Variants in MEG3 observed in about 807,000 individuals in gnomAD.
The protein encoded by MEG3 is Very putative protein from MEG3 locus.
rs73349315 is a variant in MEG3 at position 100,850,046 on chromosome 14, G to A, written n.3121+4513G>A. On this transcript the variant is annotated intron_variant and non_coding_transcript_variant, in intron 3 of 3. Transcript: ENST00000398461. ...GAATAAATACTTAAACGTGAAAGGT[G>A]ACTAAATGCGGGGAAGAAAGATTGC... 2.8e-3 allele frequency: 421 copies of A among 152,344 alleles called. 2 individuals carry two copies. The highest frequency in any genetic ancestry group is 9.7e-3 in the African/African-American group (403 of 41,570). The allele number at this position is 152,344 out of a possible 1,614,324, so 9.4% of individuals were successfully genotyped here.
intron 1 of MEG3, among the ~76,000 whole-genome samples, chr14:100,827,136 G>T (rs1480276789): frequency 3.3e-5 from 5 of 152,048 alleles, no homozygotes; most frequent in African/African-American, 7.2e-5. Flanking sequence ...CGAAAATCCT[G>T]ACATGTTGCA....
upstream of MEG3, chr14:100,852,433 A>G (rs371452839): frequency 1.5e-5 from 8 of 534,236 alleles, no homozygotes; most frequent in Non-Finnish European, 3.1e-5. Context: ...TCAGGGCCAC[A>G]TGAGCTGGGC....
At chr14:100,840,235 C>T (rs2037710893) in intron 2 of MEG3, among the ~76,000 whole-genome samples, 1 of 152,192 alleles carries the variant, frequency 6.6e-6, no homozygotes, top group African/African-American at 2.4e-5. Flanking sequence ...CTTAAGTCCC[C>T]TATCCTGGGA....
At chr14:100,860,638 G>A (rs1246726188) in intron 1 of MEG3, 20 of 456,416 alleles carry the variant, frequency 4.4e-5, no homozygotes, top group Middle Eastern at 3.2e-4. Flanking sequence ...AACTCTTGTC[G>A]GCCAGCGAGG....
At chr14:100,855,536 C>T (rs1469972520), upstream of MEG3, 2 of 152,372 alleles carry the variant, frequency 1.3e-5, no homozygotes, top group South Asian at 4.1e-4. Flanking sequence ...GAGAAGTCCT[C>T]CCCAGGCCTC....
At chr14:100,852,862 T>C (rs1435744954), upstream of MEG3, 1 of 170,990 alleles carries the variant, frequency 5.8e-6, no homozygotes, top group Non-Finnish European at 1.3e-5. Context: ...ACTGAGCCAA[T>C]GAGAGCAGCT....
chr14:100,843,833 G>GC (rs2037831106), intron 2 of MEG3, among the ~76,000 whole-genome samples: 1 of 70,732 alleles, frequency 1.4e-5, no homozygotes, highest in East Asian at 4.7e-4. Context: ...CCCGGGACCT[G>GC]TTTTTTTTTT....
chr14:100,852,340 A>G (rs1337583652), upstream of MEG3: 1 of 532,620 alleles, frequency 1.9e-6, no homozygotes, highest in Non-Finnish European at 3.8e-6. Context: ...GCTCCGGCCG[A>G]GTGGATGGCA....
upstream of MEG3, chr14:100,856,043 T>C (rs1001194871): frequency 3.3e-5 from 5 of 152,212 alleles, no homozygotes; most frequent in Admixed American, 3.3e-4. Flanking sequence ...CTCTGGCCTT[T>C]CCTGGAGGTG....
chr14:100,851,585 C>T (rs2038077533), intron 3 of MEG3: 2 of 152,352 alleles, frequency 1.3e-5, no homozygotes, highest in South Asian at 2.1e-4. Flanking sequence ...GGGCAGGGCG[C>T]CCACCCTTCT....
At chr14:100,843,123 G>C (rs1002449890) in intron 2 of MEG3, among the ~76,000 whole-genome samples, 2 of 152,220 alleles carry the variant, frequency 1.3e-5, no homozygotes, top group African/African-American at 4.8e-5. Context: ...GCACACAAGA[G>C]TTAATTAAGG....
rs2037898283 is a variant in MEG3, at chr14:100,845,659, A to C, written n.3121+126A>C. ...GCGGGCACTGGCCGGGGGTCTGTGC[A>C]CCGGGAGGTGGGTGCCCATCGAGTC... On this transcript the variant is annotated intron_variant and non_coding_transcript_variant, in intron 3 of 3. Coordinates refer to the MEG3 transcript ENST00000398461. This position sits in a 1 kb window ranked among gnomAD's most constrained non-coding sequence, Gnocchi z 5.2. 2.9e-6 allele frequency: 1 copy of C among 346,590 alleles called. No individual in the cohort carries two copies. Among genetic ancestry groups the C allele is most frequent in the African/African-American group, 2.2e-5 (1 of 46,294 alleles). 21.5% of individuals were successfully genotyped at this position (346,590 alleles called of 1,614,324 possible). A position where few individuals can be genotyped will look rare whatever the true frequency, so the allele number is the denominator to read the frequency against.
chr14:100,836,463 C>G (rs12889884), intron 2 of MEG3, among the ~76,000 whole-genome samples: 34,779 of 152,052 alleles, frequency 0.23, 4,230 homozygotes, highest in Admixed American at 0.28. Context: ...GGAGAGCTGC[C>G]TGGAGTGGAG....
downstream of MEG3, chr14:100,831,245 T>C (rs2139941550): frequency 6.5e-6 from 1 of 153,160 alleles, no homozygotes; most frequent in East Asian, 1.9e-4. Context: ...CCCCACTGGA[T>C]CATTGAACCC....
chr14:100,846,372 C>T (rs2037917869), intron 3 of MEG3: 2 of 152,210 alleles, frequency 1.3e-5, no homozygotes, highest in Non-Finnish European at 1.5e-5. Flanking sequence ...GATCTGCCCC[C>T]AGTATGTTTA....
downstream of MEG3, chr14:100,830,009 A>T (rs1181952827): frequency 1.2e-4 from 18 of 152,194 alleles, no homozygotes. Context: ...CATTTACATT[A>T]AAGAAACAGA....
At chr14:100,855,615 C>A (rs2038216604), upstream of MEG3, 1 of 152,314 alleles carries the variant, frequency 6.6e-6, no homozygotes. Context: ...CACAGGGTGG[C>A]AGTGGTTGTA....
At chr14:100,853,449 C>G (rs2038147581), upstream of MEG3, 1 of 152,120 alleles carries the variant, frequency 6.6e-6, no homozygotes, top group Non-Finnish European at 1.5e-5. Context: ...AATGCATGCA[C>G]CACTCAACAT....
chr14:100,836,889 A>T lies in MEG3; in HGVS notation n.3045+589A>T, dbSNP rs117587528. 7.7e-3 allele frequency among the ~76,000 whole-genome samples: 1,180 copies of T among 152,288 alleles called. 8 individuals are homozygous for T. Among genetic ancestry groups the T allele is most frequent in the South Asian group, 0.016 (75 of 4,816 alleles). On this transcript the variant is annotated intron_variant and non_coding_transcript_variant, in intron 2 of 3. Transcript: ENST00000398461. ...TCCTCACCCCTGAAATTGCAATGAG[A>T]CGGGAATGTTTTTGTTTGTTTAAAT... is the stretch of plus-strand genomic sequence containing the variant.
Sources: allele counts gnomAD v4.1 joint callset (sites outside exome capture counted in the v4.1 genomes callset), GRCh38; gene constraint gnomAD v4.1.1; non-coding constraint Gnocchi (gnomAD v3.1); transcripts MANE v1.5; gene names NCBI Gene and HGNC (gene_info 2026-07-23, HGNC 2026-07-21).